The following KIF5B variants were observed in gnomAD, a reference collection of about 807,000 sequenced individuals.
KIF5B encodes kinesin family member 5B.
KIF5B carries 49 observed loss-of-function variants against 132.8 expected under a neutral mutation model. The observed-to-expected ratio is 0.37, with a 90% CI of 0.29 to 0.47. The LOEUF is 0.47. Ranked by LOEUF, KIF5B falls within the 20% of genes least tolerant of loss-of-function variation. The probability of loss-of-function intolerance (pLI) is 1.00; values close to 1 mark genes in which losing one functional copy is unlikely to be tolerated. For missense variants in KIF5B, 780 were observed against 1,144.0 expected (o/e 0.68, Z 4.59); for synonymous variants, 355 against 369.4 (o/e 0.96, Z 0.45).
At chr10:32,026,823 T>C (rs887674130) in intron 15 of KIF5B, among the ~76,000 whole-genome samples, 2 of 152,218 alleles carry the variant, frequency 1.3e-5, no homozygotes, top group African/African-American at 4.8e-5. Context: ...ATCCTAGAGA[T>C]TTCTCTACAT....
intron 2 of KIF5B, among the ~76,000 whole-genome samples, chr10:32,045,159 TAA>T (rs1460283311): frequency 6.6e-6 from 1 of 152,006 alleles, no homozygotes; most frequent in Non-Finnish European, 1.5e-5. Flanking sequence ...AGCCTATTAT[TAA>T]GAGACTGTGT....
chr10:32,041,145 C>CAA (rs35673564), intron 2 of KIF5B, among the ~76,000 whole-genome samples: 16 of 101,716 alleles, frequency 1.6e-4, no homozygotes, highest in African/African-American at 3.7e-4. Context: ...GACTCTGTCT[C>CAA]AAAAAAAAAA....
chr10:32,026,233 G>GACC (rs1295571373), intron 15 of KIF5B, among the ~76,000 whole-genome samples: 3 of 152,006 alleles, frequency 2.0e-5, no homozygotes, highest in African/African-American at 7.2e-5. Context: ...AGGAGATCAA[G>GACC]ACCATCCTGG....
At chr10:32,025,152 T>C (rs1221503142) in intron 15 of KIF5B, among the ~76,000 whole-genome samples, 1 of 152,140 alleles carries the variant, frequency 6.6e-6, no homozygotes, top group Non-Finnish European at 1.5e-5. Context: ...CACCATACAT[T>C]AGTAAAATCC....
At chr10:32,055,760 T>G in intron 1 of KIF5B, 88 bp downstream of exon 1, 1 of 1,523,474 alleles carries the variant, frequency 6.6e-7, no homozygotes, top group Non-Finnish European at 8.8e-7. Flanking sequence ...CCGCTCCCTT[T>G]CAATTCTGCA....
intron 25 of KIF5B, among the ~76,000 whole-genome samples, chr10:32,013,544 G>A (rs796502328): frequency 1.3e-5 from 2 of 152,030 alleles, no homozygotes; most frequent in South Asian, 4.1e-4. Context: ...AAAACTAAAC[G>A]CAAACAGCAG....
chr10:32,045,765 A>T (rs1001402425), intron 2 of KIF5B, among the ~76,000 whole-genome samples: 1 of 152,250 alleles, frequency 6.6e-6, no homozygotes, highest in African/African-American at 2.4e-5. Context: ...CAAATACTAG[A>T]GTCATGCACC....
At chr10:32,029,287 T>C (rs1260702981) in intron 14 of KIF5B, among the ~76,000 whole-genome samples, 1 of 152,142 alleles carries the variant, frequency 6.6e-6, no homozygotes, top group Non-Finnish European at 1.5e-5. Flanking sequence ...TCAAAGAAAA[T>C]GCTCACTGAA....
intron 14 of KIF5B, among the ~76,000 whole-genome samples, chr10:32,029,946 C>T (rs1841380487): frequency 6.6e-6 from 1 of 152,124 alleles, no homozygotes; most frequent in Non-Finnish European, 1.5e-5. Context: ...AGAAAAGGAA[C>T]TCATAGGGGC....
rs1841034204 is a variant in KIF5B at position 32,009,185 on chromosome 10, T to C, written c.*2352A>G. 1 of 152,330 alleles carries C rather than the reference T, an allele frequency of 6.6e-6. No individual in the cohort carries two copies. Among genetic ancestry groups the C allele is most frequent in the African/African-American group, 2.4e-5 (1 of 41,588 alleles). The allele number at this position is 152,330 out of a possible 1,614,324, so 9.4% of individuals were successfully genotyped here. A position where few individuals can be genotyped will look rare whatever the true frequency, so the allele number is the denominator to read the frequency against. ...ACTCAGACTCTCTTCTGTCACCTCA[T>C]GTCAAATGGAGTTAAGCACAAACTG... On this transcript the variant is annotated 3_prime_UTR_variant, in exon 26 of 26. Transcript: ENST00000302418.
intron 15 of KIF5B, among the ~76,000 whole-genome samples, chr10:32,024,698 G>C (rs1157886626): frequency 6.6e-6 from 1 of 151,982 alleles, no homozygotes; most frequent in African/African-American, 2.4e-5. Flanking sequence ...CCAGGAAGAG[G>C]AGCTTGCAGT....
rs1179279583 is a variant in KIF5B, at chr10:32,031,286, G to C, written c.1375-7C>G. On this transcript the variant is annotated splice_polypyrimidine_tract_variant and splice_region_variant and intron_variant, in intron 13 of 25. Coordinates refer to ENST00000302418, the MANE Select transcript of KIF5B (RefSeq NM_004521.3). ...TTCTGGTAGATGCCAAAAGCTATAGGACAGAAAATAATTTATTTTCCCCAA... is the reference window on the plus strand; with the variant it reads ...TTCTGGTAGATGCCAAAAGCTATAGCACAGAAAATAATTTATTTTCCCCAA... 1 of 1,608,342 alleles carries C rather than the reference G, an allele frequency of 6.2e-7. No individual in the cohort carries two copies. Among genetic ancestry groups the C allele is most frequent in the Non-Finnish European group, 8.5e-7 (1 of 1,176,230 alleles).
At chr10:32,038,651 A>C (rs1480151864) in intron 5 of KIF5B, 127 bp downstream of exon 5, 1 of 633,126 alleles carries the variant, frequency 1.6e-6, no homozygotes, top group Non-Finnish European at 2.7e-6. Flanking sequence ...TAGAAGAAAA[A>C]AAATTTTGTC....
intron 2 of KIF5B, among the ~76,000 whole-genome samples, chr10:32,042,466 T>TTACA (rs1306073313): frequency 6.6e-6 from 1 of 152,222 alleles, no homozygotes; most frequent in Non-Finnish European, 1.5e-5. Flanking sequence ...CTATGTGTTC[T>TTACA]TACAGTATCT....
At chr10:32,022,323 G>T in intron 16 of KIF5B, 66 bp from the exon 17 acceptor site, 1 of 766,116 alleles carries the variant, frequency 1.3e-6, no homozygotes, top group Non-Finnish European at 2.2e-6. Flanking sequence ...ATATTTGACA[G>T]TAAACATTTC....
At chr10:32,045,383 AGGTAC>A (rs1457950103) in intron 2 of KIF5B, among the ~76,000 whole-genome samples, 1 of 152,248 alleles carries the variant, frequency 6.6e-6, no homozygotes, top group Non-Finnish European at 1.5e-5. Flanking sequence ...ATTAAAACAG[AGGTAC>A]TTCTATTTAC....
At position 32,031,352 on chromosome 10, in the gene KIF5B, T is replaced by C. The variant is rs1365499973; in HGVS notation, c.1375-73A>G. 3 of 1,151,456 alleles carry C rather than the reference T, an allele frequency of 2.6e-6. No individual in the cohort carries two copies. In the African/African-American group the frequency reaches 4.6e-5, roughly 18 times the overall value. The allele number at this position is 1,151,456 out of a possible 1,614,324, so 71.3% of individuals were successfully genotyped here. ...AAAAAACACCCATGAAGCTTCACCA[T>C]TTGTCAAGAACAAATGGAGTGAAAT... is the stretch of plus-strand genomic sequence containing the variant. On this transcript the variant is annotated intron_variant, in intron 13 of 25. Transcript: ENST00000302418.
intron 4 of KIF5B, among the ~76,000 whole-genome samples, chr10:32,039,045 G>A (rs1180265668): frequency 1.3e-5 from 2 of 152,080 alleles, no homozygotes; most frequent in Non-Finnish European, 2.9e-5. Flanking sequence ...CATCTAAAAT[G>A]AATTAGAATA....
At chr10:32,036,706 G>A (rs374008100) in intron 8 of KIF5B, among the ~76,000 whole-genome samples, 1 of 152,150 alleles carries the variant, frequency 6.6e-6, no homozygotes, top group East Asian at 1.9e-4. Context: ...AGAGTAGAAC[G>A]GAATAGATAT....
Sources: allele counts gnomAD v4.1 joint callset (sites outside exome capture counted in the v4.1 genomes callset), GRCh38; gene constraint gnomAD v4.1.1; transcripts MANE v1.5; gene names NCBI Gene and HGNC (gene_info 2026-07-23, HGNC 2026-07-21).